Variants in C5AR1 observed in about 807,000 individuals in gnomAD.
C5AR1 encodes the protein complement C5a receptor 1.
C5AR1 carries 4 observed loss-of-function variants against 2.4 expected under a neutral mutation model. The observed-to-expected ratio is 1.65, with a 90% CI of 0.81 to 3.77. The LOEUF (loss-of-function observed/expected upper bound fraction) is 3.77, where lower values mean the gene tolerates loss of function less well. C5AR1 is among the 30% of genes most tolerant of loss of function. C5AR1 has a pLI of 0.01. For synonymous variants in C5AR1, 209 were observed against 210.4 expected, an observed-to-expected ratio of 0.99 and a Z score of 0.06; for missense variants, 418 against 462.5, an observed-to-expected ratio of 0.90 and a Z score of 0.88.
rs965092002 is a variant in C5AR1, at chr19:47,320,518, G to A, written c.741G>A (p.Val247=). 9 of 1,613,870 alleles carry A rather than the reference G, an allele frequency of 5.6e-6. No individual in the cohort carries two copies. Among genetic ancestry groups the A allele is most frequent in the African/African-American group, 1.3e-5 (1 of 74,972 alleles). Reference sequence around the variant, plus strand: ...AGACACTCAAGGTGGTGGTGGCAGTGGTGGCCAGTTTCTTTATCTTCTGGT... The same window carrying A: ...AGACACTCAAGGTGGTGGTGGCAGTAGTGGCCAGTTTCTTTATCTTCTGGT... ...STKTLKVVVA[V]VASFFIFWLP... is the part of the protein sequence containing the mutation. Residue 247 remains valine, a synonymous_variant, in exon 2 of 2, where the codon GTG becomes GTA. Transcript: ENST00000355085. This position sits in a 1 kb window ranked among gnomAD's most constrained non-coding sequence, Gnocchi z 4.9.
At chr19:47,318,283 G>A (rs1312564278) in intron 1 of C5AR1, among the ~76,000 whole-genome samples, 1 of 151,308 alleles carries the variant, frequency 6.6e-6, no homozygotes, top group African/African-American at 2.4e-5. Context: ...AGCGAAATGG[G>A]CATTTTTTTT....
upstream of C5AR1, among the ~76,000 whole-genome samples, chr19:47,309,112 C>T (rs1046482782): frequency 5.9e-5 from 9 of 152,072 alleles, no homozygotes; most frequent in Admixed American, 6.6e-5. Flanking sequence ...TACTTAAATG[C>T]TGGGCTACCT....
chr19:47,308,613 T>C (rs935674954), upstream of C5AR1, among the ~76,000 whole-genome samples: 7 of 151,522 alleles, frequency 4.6e-5, no homozygotes, highest in Non-Finnish European at 7.4e-5. Context: ...TGGAGTGCAA[T>C]GGTGCAATCT....
chr19:47,309,063 T>C (rs2059262129), upstream of C5AR1, among the ~76,000 whole-genome samples: 1 of 152,040 alleles, frequency 6.6e-6, no homozygotes, highest in Non-Finnish European at 1.5e-5. Context: ...GTGTGAGCCA[T>C]TGCACCTGGC....
chr19:47,320,536 C>T lies in C5AR1; in HGVS notation c.759C>T (p.Ile253=), dbSNP rs749900477. 6.2e-6 allele frequency: 10 copies of T among 1,613,848 alleles called. No individual in the cohort carries two copies. Among genetic ancestry groups the T allele is most frequent in the Non-Finnish European group, 8.5e-6 (10 of 1,180,008 alleles). The change falls in exon 2 of 2, where the codon ATC becomes ATT. Residue 253 remains isoleucine, a synonymous_variant. Transcript: ENST00000355085. This position sits in a 1 kb window ranked among gnomAD's most constrained non-coding sequence, Gnocchi z 4.9. ...VVVAVVASFF[I]FWLPYQVTGI... Reference sequence around the variant, plus strand: ...TGGCAGTGGTGGCCAGTTTCTTTATCTTCTGGTTGCCCTACCAGGTGACGG... The same window carrying T: ...TGGCAGTGGTGGCCAGTTTCTTTATTTTCTGGTTGCCCTACCAGGTGACGG...
At chr19:47,311,194 A>G (rs1357178778) in intron 1 of C5AR1, among the ~76,000 whole-genome samples, 1 of 151,698 alleles carries the variant, frequency 6.6e-6, no homozygotes, top group Non-Finnish European at 1.5e-5. Context: ...AACATTTTCC[A>G]AAGTACCAAA....
At chr19:47,309,784 C>A, upstream of C5AR1, 4 of 1,198,646 alleles carry the variant, frequency 3.3e-6, no homozygotes, top group South Asian at 1.3e-5. Flanking sequence ...CAATGAGAGC[C>A]CCAGAGAGAA....
chr19:47,308,192 G>A (rs562144232), upstream of C5AR1, among the ~76,000 whole-genome samples: 20 of 132,592 alleles, frequency 1.5e-4, no homozygotes, highest in African/African-American at 5.6e-4. Flanking sequence ...TAGCCTGGGT[G>A]AGAGAGTGAG....
upstream of C5AR1, among the ~76,000 whole-genome samples, chr19:47,309,138 G>C (rs1599727880): frequency 1.3e-5 from 2 of 152,152 alleles, no homozygotes; most frequent in East Asian, 3.9e-4. Context: ...GACTAGCTCA[G>C]CCTCTTTGGG....
In C5AR1 at chr19:47,315,032, A is replaced by C. The variant is rs568760610; in HGVS notation, c.4-4749A>C. On this transcript the variant is annotated intron_variant, in intron 1 of 1. Coordinates refer to ENST00000355085, the MANE Select transcript of C5AR1 (RefSeq NM_001736.4). The stretch of plus-strand genomic sequence containing the variant: ...TGGAGGTCTTTCCACATCATTATAT[A>C]AACATTCTTTTTGTCTGTTTTTTTC... Among the ~76,000 whole-genome samples the C allele has an allele frequency of 4.6e-5, 7 of 152,056 alleles. No individual in the cohort carries two copies. The South Asian group carries it at 1.2e-3, about 27-fold the overall frequency.
intron 1 of C5AR1, among the ~76,000 whole-genome samples, chr19:47,313,976 A>G (rs898104815): frequency 1.1e-4 from 16 of 152,128 alleles, no homozygotes; most frequent in Admixed American, 1.0e-3. Flanking sequence ...GGCAATGATT[A>G]TGGCTGTTCT....
chr19:47,319,314 T>A lies in C5AR1; in HGVS notation c.4-467T>A, dbSNP rs2059300364. Reference sequence around the variant, plus strand: ...GCATGGAATCATTTCATTTTTTTTTTTTTTTTTTTTTTGAGACAGGGTCTC... The same window carrying A: ...GCATGGAATCATTTCATTTTTTTTTATTTTTTTTTTTTGAGACAGGGTCTC... On this transcript the variant is annotated intron_variant, in intron 1 of 1. Transcript: ENST00000355085. Among the ~76,000 whole-genome samples, 3 of 143,154 alleles carry A rather than the reference T, an allele frequency of 2.1e-5. No homozygotes were observed. The South Asian group carries it at 6.8e-4, about 32-fold the overall frequency. The allele number at this position is 143,154 out of a possible 152,430, so 93.9% of individuals were successfully genotyped here.
intron 1 of C5AR1, among the ~76,000 whole-genome samples, chr19:47,310,487 G>C (rs2059266399): frequency 6.6e-6 from 1 of 152,170 alleles, no homozygotes; most frequent in African/African-American, 2.4e-5. Flanking sequence ...TGCTCTTGCA[G>C]ATAGATGTTC....
intron 1 of C5AR1, among the ~76,000 whole-genome samples, chr19:47,319,239 G>A (rs576280553): frequency 7.3e-5 from 11 of 151,122 alleles, no homozygotes; most frequent in African/African-American, 1.9e-4. Context: ...CAGGGGCTTC[G>A]CAGGATGGGA....
Position 47,320,475 on chromosome 19 carries a change from G to A in C5AR1, c.698G>A (p.Arg233Lys), listed in dbSNP as rs779774375. ...TFILLRTWSR[R>K]ATRSTKTLKV... ...ATCCTGCTCCGGACGTGGAGCCGCA[G>A]GGCCACGCGGTCCACCAAGACACTC... Residue 233 changes from arginine to lysine, a missense_variant, in exon 2 of 2, where the codon AGG (arginine) becomes AAG (lysine). By Grantham distance (26) the Arg-to-Lys change is conservative (BLOSUM62 2). Transcript: ENST00000355085. This position sits in a 1 kb window ranked among gnomAD's most constrained non-coding sequence, Gnocchi z 4.9. 2.5e-6 allele frequency: 4 copies of A among 1,613,456 alleles called. No homozygotes were observed. The highest frequency in any genetic ancestry group is 1.7e-5 in the Admixed American group (1 of 60,002).
At chr19:47,310,611 C>T (rs1473922097) in intron 1 of C5AR1, among the ~76,000 whole-genome samples, 1 of 152,190 alleles carries the variant, frequency 6.6e-6, no homozygotes, top group African/African-American at 2.4e-5. Context: ...CCTCTTTAGC[C>T]TCCTGAGTAT....
At chr19:47,316,256 A>G (rs968981138) in intron 1 of C5AR1, among the ~76,000 whole-genome samples, 21 of 152,138 alleles carry the variant, frequency 1.4e-4, no homozygotes, top group Admixed American at 9.2e-4. Context: ...GATTACAGGC[A>G]TGAGCCACCA....
chr19:47,313,338 G>A (rs2059276605), intron 1 of C5AR1, among the ~76,000 whole-genome samples: 1 of 152,052 alleles, frequency 6.6e-6, no homozygotes. Flanking sequence ...CCGCCTGCCA[G>A]CCATGCTGAC....
Position 47,320,347 on chromosome 19 carries a change from G to A in C5AR1, c.570G>A (p.Val190=). The change falls in exon 2 of 2, where the codon GTG becomes GTA. Residue 190 remains valine, a synonymous_variant. Transcript: ENST00000355085. This position sits in a 1 kb window ranked among gnomAD's most constrained non-coding sequence, Gnocchi z 4.9. The part of the protein sequence containing the change: ...EYFPPKVLCG[V]DYSHDKRRER... ...TTCCACCAAAGGTGTTGTGTGGCGT[G>A]GACTACAGCCACGACAAACGGCGGG... The A allele has an allele frequency of 6.2e-7, 1 of 1,609,816 alleles. No homozygotes were observed. The highest frequency in any genetic ancestry group is 8.5e-7 in the Non-Finnish European group (1 of 1,179,982).
Sources: allele counts gnomAD v4.1 joint callset (sites outside exome capture counted in the v4.1 genomes callset), GRCh38; gene constraint gnomAD v4.1.1; non-coding constraint Gnocchi (gnomAD v3.1); transcripts MANE v1.5; gene names NCBI Gene and HGNC (gene_info 2026-07-23, HGNC 2026-07-21).